Variants in ADAMTS3 observed in about 807,000 individuals in gnomAD.
ADAMTS3 encodes the protein A disintegrin and metalloproteinase with thrombospondin motifs 3.
Under a neutral mutation model 129.0 loss-of-function variants are expected in ADAMTS3, and 73 were observed. The ratio of observed to expected loss-of-function variants is 0.57; its 90% confidence interval spans 0.47 to 0.69. The LOEUF is 0.69. Among genes scored for constraint, ADAMTS3 ranks in the 30% least tolerant of loss-of-function variants. The pLI is 0.00. For synonymous variants in ADAMTS3, 477 were observed against 510.8 expected (o/e 0.93, Z 0.89); for missense variants, 1,457 against 1,514.5 (o/e 0.96, Z 0.63).
chr4:72,377,159 TTGAGCTCC>T (rs1319724296), intron 4 of ADAMTS3, among the ~76,000 whole-genome samples: 1 of 152,154 alleles, frequency 6.6e-6, no homozygotes, highest in Non-Finnish European at 1.5e-5. Flanking sequence ...ACCACCCTGC[TTGAGCTCC>T]TGTACCAGTG....
intron 3 of ADAMTS3, among the ~76,000 whole-genome samples, chr4:72,518,514 G>A (rs535291402): frequency 6.6e-6 from 1 of 151,924 alleles, no homozygotes; most frequent in East Asian, 1.9e-4. Flanking sequence ...TATGAATCTG[G>A]GTGCTCCTGT....
At chr4:72,421,282 C>T (rs529771660) in intron 3 of ADAMTS3, among the ~76,000 whole-genome samples, 1 of 152,336 alleles carries the variant, frequency 6.6e-6, no homozygotes, top group South Asian at 2.1e-4. Flanking sequence ...TCTATCCTAA[C>T]TTTTTCCCTT....
rs147882384 is a variant in ADAMTS3 at position 72,548,689 on chromosome 4, T to C, written c.293A>G (p.Asn98Ser). ...AGCCCCAGGAGCTACTAGTTGAGTGTTGGGCTTTAGTCGCAGATGAAAATC... is the reference window on the plus strand; with the variant it reads ...AGCCCCAGGAGCTACTAGTTGAGTGCTGGGCTTTAGTCGCAGATGAAAATC... ...GKDFHLRLKP[N>S]TQLVAPGAVV... Residue 98 changes from asparagine to serine, a missense_variant, in exon 3 of 22, where the codon AAC (asparagine) becomes AGC (serine). Transcript: ENST00000286657. 9.9e-5 allele frequency: 159 copies of C among 1,613,888 alleles called. 1 individual carries two copies. Among genetic ancestry groups the C allele is most frequent in the Admixed American group, 1.7e-5 (1 of 59,968 alleles).
At chr4:72,524,119 T>A (rs1440680532) in intron 3 of ADAMTS3, among the ~76,000 whole-genome samples, 6 of 152,134 alleles carry the variant, frequency 3.9e-5, no homozygotes, top group Non-Finnish European at 5.9e-5. Context: ...TTTGTTCTGA[T>A]CCCTCCTTAA....
intron 3 of ADAMTS3, among the ~76,000 whole-genome samples, chr4:72,432,125 T>C (rs574245711): frequency 6.6e-6 from 1 of 152,028 alleles, no homozygotes; most frequent in Non-Finnish European, 1.5e-5. Context: ...GCCTGCGTGT[T>C]CTTCTCTTCC....
chr4:72,455,225 A>G (rs1718511613), intron 3 of ADAMTS3, among the ~76,000 whole-genome samples: 1 of 151,792 alleles, frequency 6.6e-6, no homozygotes, highest in Non-Finnish European at 1.5e-5. Context: ...CAACAAATAT[A>G]GAAAAAACTT....
At chr4:72,430,861 G>A (rs2109945869) in intron 3 of ADAMTS3, among the ~76,000 whole-genome samples, 1 of 150,614 alleles carries the variant, frequency 6.6e-6, no homozygotes, top group South Asian at 2.1e-4. Context: ...AAGTCTGGCT[G>A]GAATAGAAGA....
At chr4:72,433,534 GA>G (rs1235587947) in intron 3 of ADAMTS3, among the ~76,000 whole-genome samples, 1 of 151,898 alleles carries the variant, frequency 6.6e-6, no homozygotes, top group Non-Finnish European at 1.5e-5. Flanking sequence ...GTGTCAGGCA[GA>G]ATCCAATGTG....
chr4:72,431,772 G>C (rs974644424), intron 3 of ADAMTS3, among the ~76,000 whole-genome samples: 1 of 151,774 alleles, frequency 6.6e-6, no homozygotes, highest in African/African-American at 2.4e-5. Context: ...AGAGTGAAGG[G>C]ATATAACTAT....
chr4:72,364,381 G>A (rs767001654), intron 4 of ADAMTS3, among the ~76,000 whole-genome samples: 6 of 152,062 alleles, frequency 3.9e-5, no homozygotes, highest in Non-Finnish European at 8.8e-5. Context: ...TTGGGAGGCC[G>A]AGGCAGGTGG....
At position 72,313,749 on chromosome 4, in the gene ADAMTS3, G is replaced by A. The variant is rs758569986; in HGVS notation, c.1673C>T (p.Thr558Ile). 36 of 1,613,692 alleles carry A rather than the reference G, an allele frequency of 2.2e-5. No individual in the cohort carries two copies. The highest frequency in any genetic ancestry group is 8.3e-5 in the Admixed American group (5 of 59,962). The change falls in exon 12 of 22, where the codon ACT becomes ATT. Residue 558 changes from threonine (T) to isoleucine (I), a missense_variant. Transcript: ENST00000286657. ...TGTCCGAGAACAGGAGCCAAATTTA[G>A]TCCATGACCCCCAATTGCCATCTTG... ...QKQDGNWGSW[T>I]KFGSCSRTCG...
intron 4 of ADAMTS3, among the ~76,000 whole-genome samples, chr4:72,361,280 T>C (rs1390604252): frequency 2.6e-5 from 4 of 152,282 alleles, no homozygotes; most frequent in African/African-American, 9.6e-5. Context: ...CACAAATTGT[T>C]ATGTGAAATA....
At chr4:72,515,780 G>A (rs1208362079) in intron 3 of ADAMTS3, among the ~76,000 whole-genome samples, 1 of 151,732 alleles carries the variant, frequency 6.6e-6, no homozygotes, top group African/African-American at 2.4e-5. Context: ...CTCCCATTTT[G>A]TAGGTTGCCT....
At chr4:72,303,110 G>A (rs928574195) in intron 17 of ADAMTS3, among the ~76,000 whole-genome samples, 4 of 152,084 alleles carry the variant, frequency 2.6e-5, no homozygotes, top group South Asian at 2.1e-4. Flanking sequence ...AGGACCTCAC[G>A]CAGCTGCCTC....
chr4:72,391,267 C>A (rs1170638350), intron 4 of ADAMTS3, among the ~76,000 whole-genome samples: 1 of 152,168 alleles, frequency 6.6e-6, no homozygotes, highest in African/African-American at 2.4e-5. Flanking sequence ...AAATACTAAA[C>A]ATATTTACTT....
intron 3 of ADAMTS3, among the ~76,000 whole-genome samples, chr4:72,478,047 T>C (rs2110001557): frequency 6.6e-6 from 1 of 152,298 alleles, no homozygotes; most frequent in Middle Eastern, 3.4e-3. Context: ...GTGGCAATAA[T>C]CAATAGCTTA....
chr4:72,315,890 G>A lies in ADAMTS3; in HGVS notation c.1567C>T (p.Pro523Ser), dbSNP rs1342330492. ...PYFCKTKKGPPLDGTECAAGK... is the reference protein window; with the variant it reads ...PYFCKTKKGPSLDGTECAAGK... The stretch of plus-strand genomic sequence containing the variant: ...GCAGCACATTCAGTCCCATCAAGTG[G>A]AGGTCCCTTTTTAGTCTTACAAAAG... The change falls in exon 11 of 22, where the codon CCA (proline) becomes TCA (serine). Residue 523 changes from proline (P) to serine (S), a missense_variant. By Grantham distance (74) the Pro-to-Ser change is moderately conservative (BLOSUM62 -1). Coordinates refer to ENST00000286657, the MANE Select transcript of ADAMTS3 (RefSeq NM_014243.3). 1.2e-6 allele frequency: 2 copies of A among 1,612,208 alleles called. No individual in the cohort carries two copies. The highest frequency in any genetic ancestry group is 1.7e-6 in the Non-Finnish European group (2 of 1,178,638).
chr4:72,567,398 C>T lies in ADAMTS3; in HGVS notation c.73G>A (p.Gly25Ser), dbSNP rs1372444291. 5.1e-6 allele frequency: 8 copies of T among 1,578,148 alleles called. No homozygotes were observed. The highest frequency in any genetic ancestry group is 6.9e-6 in the Non-Finnish European group (8 of 1,160,696). The change falls in exon 2 of 22, where the codon GGT becomes AGT. Residue 25 changes from glycine to serine, a missense_variant. Coordinates refer to ENST00000286657, the MANE Select transcript of ADAMTS3 (RefSeq NM_014243.3). ...CCTATTTGCACCATTTCTTCATTAC[C>T]AGCCTGGAAAGGAGGGGGAAAGCAA... ...EVRTSADGQA[G>S]NEEMVQIDLP...
At chr4:72,398,410 A>G (rs1721783790) in intron 4 of ADAMTS3, among the ~76,000 whole-genome samples, 2 of 151,964 alleles carry the variant, frequency 1.3e-5, no homozygotes, top group African/African-American at 2.4e-5. Flanking sequence ...TACAAAAAAT[A>G]AATAAATAAA....
Sources: allele counts gnomAD v4.1 joint callset (sites outside exome capture counted in the v4.1 genomes callset), GRCh38; gene constraint gnomAD v4.1.1; transcripts MANE v1.5; gene names NCBI Gene and HGNC (gene_info 2026-07-23, HGNC 2026-07-21).